The following PHF14 variants were observed in gnomAD, a reference collection of about 807,000 sequenced individuals.
PHF14 encodes PHD finger protein 14.
In PHF14, 55 loss-of-function variants were observed where a neutral mutation model predicts 117.9. The ratio of observed to expected loss-of-function variants is 0.47; its 90% CI spans 0.38 to 0.58. The LOEUF (loss-of-function observed/expected upper bound fraction) is 0.58. PHF14 is among the 20% of genes least tolerant of loss of function. PHF14 has a pLI of 0.00. For missense variants in PHF14, 978 were observed against 1,122.2 expected (o/e 0.87, Z 1.84); for synonymous variants, 409 against 368.6 (o/e 1.11, Z -1.26).
intron 6 of PHF14, among the ~76,000 whole-genome samples, chr7:11,024,256 G>A (rs1332297493): frequency 6.6e-6 from 1 of 152,168 alleles, no homozygotes; most frequent in Non-Finnish European, 1.5e-5. Context: ...TTGAAAGGTA[G>A]CAGAGGTTGG....
At chr7:11,148,734 A>T (rs1788624722) in intron 17 of PHF14, among the ~76,000 whole-genome samples, 1 of 152,230 alleles carries the variant, frequency 6.6e-6, no homozygotes, top group East Asian at 1.9e-4. Context: ...ACAAACATTT[A>T]TATAAGTTTA....
intron 11 of PHF14, among the ~76,000 whole-genome samples, chr7:11,039,078 G>A (rs1380468127): frequency 2.6e-5 from 4 of 152,104 alleles, no homozygotes; most frequent in African/African-American, 9.7e-5. Flanking sequence ...GCTATCTTGT[G>A]TGCAAAATTT....
Position 11,105,445 on chromosome 7 carries a change from A to C in PHF14, c.2655-5905A>C, listed in dbSNP as rs796369695. 9.1e-5 allele frequency: 88 copies of C among 966,486 alleles called. No individual in the cohort carries two copies. In the African/African-American group the frequency reaches 1.4e-3, roughly 15 times the overall value. The allele number at this position is 966,486 out of a possible 1,614,324, so 59.9% of individuals were successfully genotyped here. ...ATTTTACTTGATTCTCAATATGAGA[A>C]TATTTCATGACTATTTCACCAAAAT... is the stretch of plus-strand genomic sequence containing the variant. On this transcript the variant is annotated intron_variant, in intron 16 of 17. Transcript: ENST00000634607.
intron 16 of PHF14, among the ~76,000 whole-genome samples, chr7:11,079,895 A>G (rs753732681): frequency 3.9e-5 from 6 of 152,068 alleles, no homozygotes; most frequent in Non-Finnish European, 7.4e-5. Context: ...GGAAAGCTTT[A>G]TGACATAGAA....
chr7:11,140,825 C>G (rs1788378526), intron 17 of PHF14, among the ~76,000 whole-genome samples: 1 of 152,010 alleles, frequency 6.6e-6, no homozygotes, highest in Admixed American at 6.6e-5. Context: ...TGAAATTGTT[C>G]CCAAGTACTT....
At chr7:11,044,858 G>GT (rs934590704) in intron 13 of PHF14, among the ~76,000 whole-genome samples, 3 of 152,050 alleles carry the variant, frequency 2.0e-5, no homozygotes, top group African/African-American at 7.2e-5. Context: ...TTTTGTTTTT[G>GT]TATTTGTTTT....
intron 7 of PHF14, among the ~76,000 whole-genome samples, chr7:11,032,722 T>C (rs1784162824): frequency 6.6e-6 from 1 of 152,206 alleles, no homozygotes; most frequent in South Asian, 2.1e-4. Context: ...TTTTGTCTTA[T>C]ATTTTTCTGG....
chr7:11,147,818 T>C (rs910861790), intron 17 of PHF14, among the ~76,000 whole-genome samples: 4 of 152,174 alleles, frequency 2.6e-5, no homozygotes, highest in African/African-American at 9.7e-5. Context: ...TGTAATACCA[T>C]CCACAAACTC....
At chr7:11,144,355 C>T (rs980734582) in intron 17 of PHF14, among the ~76,000 whole-genome samples, 3 of 151,864 alleles carry the variant, frequency 2.0e-5, no homozygotes, top group African/African-American at 7.3e-5. Context: ...CCAGCAATCA[C>T]ACTACTGGGT....
intron 17 of PHF14, among the ~76,000 whole-genome samples, chr7:11,168,767 A>G (rs936616069): frequency 1.3e-5 from 2 of 152,186 alleles, no homozygotes; most frequent in African/African-American, 4.8e-5. Flanking sequence ...CTCATTGCTT[A>G]TACTTTGAAG....
At chr7:11,119,746 A>C (rs1413282465) in intron 17 of PHF14, among the ~76,000 whole-genome samples, 1 of 151,928 alleles carries the variant, frequency 6.6e-6, no homozygotes, top group Non-Finnish European at 1.5e-5. Flanking sequence ...TGGTTTAAGA[A>C]GTGCTCTTTT....
intron 13 of PHF14, among the ~76,000 whole-genome samples, chr7:11,049,320 C>A (rs909749143): frequency 6.6e-6 from 1 of 151,630 alleles, no homozygotes; most frequent in East Asian, 1.9e-4. Context: ...ACTAAAAAAT[C>A]CAAAATTAAC....
chr7:11,122,087 C>T (rs1355292567), intron 17 of PHF14, among the ~76,000 whole-genome samples: 1 of 151,516 alleles, frequency 6.6e-6, no homozygotes, highest in Non-Finnish European at 1.5e-5. Flanking sequence ...ATTCCACTCT[C>T]ACTTATGAGT....
At chr7:11,010,157 T>A (rs1783294066) in intron 4 of PHF14, among the ~76,000 whole-genome samples, 1 of 152,132 alleles carries the variant, frequency 6.6e-6, no homozygotes, top group African/African-American at 2.4e-5. Context: ...AAATATATAT[T>A]TTTTCCCATG....
intron 14 of PHF14, among the ~76,000 whole-genome samples, chr7:11,052,378 T>G (rs1000385139): frequency 2.0e-5 from 3 of 152,218 alleles, no homozygotes; most frequent in African/African-American, 7.2e-5. Flanking sequence ...ACCTAGTTTT[T>G]CTTTTGCTTT....
chr7:11,074,992 C>T (rs1785776935), intron 16 of PHF14, among the ~76,000 whole-genome samples: 1 of 148,060 alleles, frequency 6.8e-6, no homozygotes, highest in Admixed American at 6.8e-5. Flanking sequence ...TGCTGGAGTG[C>T]AGTGGCATGA....
chr7:11,096,243 A>T (rs1304165972), intron 16 of PHF14, among the ~76,000 whole-genome samples: 1 of 152,136 alleles, frequency 6.6e-6, no homozygotes, highest in Non-Finnish European at 1.5e-5. Flanking sequence ...GTATTTTGTA[A>T]AGAAGATCAT....
At chr7:11,102,613 A>G (rs1286616110) in intron 16 of PHF14, 2 of 1,561,558 alleles carry the variant, frequency 1.3e-6, no homozygotes, top group African/African-American at 2.7e-5. Flanking sequence ...AAAGGAGAAC[A>G]GCTATATTGT....
At chr7:11,140,575 A>T (rs976926562) in intron 17 of PHF14, among the ~76,000 whole-genome samples, 7 of 152,190 alleles carry the variant, frequency 4.6e-5, no homozygotes, top group African/African-American at 1.7e-4. Context: ...GTTCAGCAAT[A>T]ATGAGCTATG....
Sources: allele counts gnomAD v4.1 joint callset (sites outside exome capture counted in the v4.1 genomes callset), GRCh38; gene constraint gnomAD v4.1.1; transcripts MANE v1.5; gene names NCBI Gene and HGNC (gene_info 2026-07-23, HGNC 2026-07-21).